Variants in SLC35G1 observed in about 807,000 individuals in gnomAD.
SLC35G1 encodes the protein solute carrier family 35 member G1, also known as partner of STIM1.
Under a neutral mutation model 17.1 loss-of-function variants are expected in SLC35G1, and 10 were observed. The observed-to-expected ratio is 0.59, with a 90% CI of 0.36 to 0.99. SLC35G1 has a LOEUF of 0.99. Ranked by LOEUF, SLC35G1 falls within the 50% of genes least tolerant of loss-of-function variation. The probability of loss-of-function intolerance (pLI) is 0.01; values close to 1 mark genes in which losing one functional copy is unlikely to be tolerated. For missense variants in SLC35G1, 433 were observed against 468.4 expected, an observed-to-expected ratio of 0.92 and a Z score of 0.70; for synonymous variants, 185 against 181.1, an observed-to-expected ratio of 1.02 and a Z score of -0.18.
chr10:93,903,439 G>GTTT lies in SLC35G1; in HGVS notation c.*1949_*1950insTTT, dbSNP rs1394675109. The GTTT allele has an allele frequency of 6.6e-6, 1 of 151,894 alleles. No individual in the cohort carries two copies. Among genetic ancestry groups the GTTT allele is most frequent in the African/African-American group, 2.4e-5 (1 of 41,398 alleles). 9.4% of individuals were successfully genotyped at this position (151,894 alleles called of 1,614,324 possible). ...TTCCTTAGTTCCATGATAAAGTATG[G>GTTT]ACAGTAAACCACTACTTGAGCTACC... On this transcript the variant is annotated 3_prime_UTR_variant, in exon 3 of 3. Coordinates refer to ENST00000427197, the MANE Select transcript of SLC35G1 (RefSeq NM_001134658.3).
At chr10:93,906,563 A>G (rs967540312), downstream of SLC35G1, among the ~76,000 whole-genome samples, 9 of 152,250 alleles carry the variant, frequency 5.9e-5, no homozygotes, top group Non-Finnish European at 1.0e-4. Context: ...AATATAAACG[A>G]TAAAATTGTC....
At chr10:93,896,400 T>C (rs2060330288) in intron 1 of SLC35G1, among the ~76,000 whole-genome samples, 1 of 152,214 alleles carries the variant, frequency 6.6e-6, no homozygotes. Context: ...TTCAGTTTTC[T>C]TCTAAGTGAG....
chr10:93,896,848 G>A (rs549172067), intron 1 of SLC35G1, among the ~76,000 whole-genome samples: 1 of 152,318 alleles, frequency 6.6e-6, no homozygotes, highest in Admixed American at 6.5e-5. Flanking sequence ...TTGAAACAGA[G>A]CAGGGAGATG....
Position 93,901,216 on chromosome 10 carries a change from A to G in SLC35G1, c.824A>G (p.Glu275Gly). 6.2e-7 allele frequency: 1 copy of G among 1,613,930 alleles called. No homozygotes were observed. The highest frequency in any genetic ancestry group is 8.5e-7 in the Non-Finnish European group (1 of 1,179,866). Reference sequence around the variant, plus strand: ...GTCATCATCCTCTCTGTATTAGGAGAGTGGAGTCTGCCTTACTGTGGGTTG... The same window carrying G: ...GTCATCATCCTCTCTGTATTAGGAGGGTGGAGTCTGCCTTACTGTGGGTTG... ...ESVIILSVLG[E>G]WSLPYCGLDR... is the part of the protein sequence containing the mutation. Residue 275 changes from glutamate (E) to glycine (G), a missense_variant, in exon 3 of 3, where the codon GAG becomes GGG. By Grantham distance (98) the Glu-to-Gly change is moderately conservative (BLOSUM62 -2). Coordinates refer to ENST00000427197, the MANE Select transcript of SLC35G1 (RefSeq NM_001134658.3).
At chr10:93,907,002 A>G (rs2060433038), downstream of SLC35G1, 1 of 152,216 alleles carries the variant, frequency 6.6e-6, no homozygotes, top group Non-Finnish European at 1.5e-5. Flanking sequence ...TGCAAAAATA[A>G]AAAGCAATGC....
chr10:93,898,360 G>A (rs2060350497), intron 1 of SLC35G1, among the ~76,000 whole-genome samples: 1 of 152,158 alleles, frequency 6.6e-6, no homozygotes, highest in South Asian at 2.1e-4. Context: ...GGGCGAAACG[G>A]CATTTTAAAA....
intron 1 of SLC35G1, 32 bp downstream of exon 1, chr10:93,894,243 T>G (rs2060307499): frequency 1.5e-6 from 2 of 1,313,678 alleles, no homozygotes; most frequent in Non-Finnish European, 9.7e-7. Context: ...GGCTCTGGTC[T>G]CGCTCGGGGG....
chr10:93,894,216 G>A lies in SLC35G1; in HGVS notation c.178+5G>A. On this transcript the variant is annotated splice_donor_5th_base_variant and intron_variant, in intron 1 of 2. Coordinates refer to ENST00000427197, the MANE Select transcript of SLC35G1 (RefSeq NM_001134658.3). ...GTTGCTCCCGCACCGAGCCGGGTGA[G>A]TGCGCGGTGTGGATCGGGCTCTGGT... is the stretch of plus-strand genomic sequence containing the variant. The A allele has an allele frequency of 7.3e-7, 1 of 1,374,862 alleles. No homozygotes were observed. The highest frequency in any genetic ancestry group is 9.4e-7 in the Non-Finnish European group (1 of 1,066,134). The allele number at this position is 1,374,862 out of a possible 1,614,324, so 85.2% of individuals were successfully genotyped here. A position where few individuals can be genotyped will look rare whatever the true frequency, so the allele number is the denominator to read the frequency against.
At chr10:93,898,855 C>G (rs1207860616) in intron 2 of SLC35G1, 104 bp downstream of exon 2, 1 of 1,134,114 alleles carries the variant, frequency 8.8e-7, no homozygotes, top group Non-Finnish European at 1.2e-6. Context: ...CATATACTTA[C>G]CAGTTCCTAT....
At chr10:93,898,498 T>C (rs979933621) in intron 1 of SLC35G1, 73 bp from the exon 2 acceptor site, 4 of 1,460,348 alleles carry the variant, frequency 2.7e-6, no homozygotes, top group Non-Finnish European at 3.7e-6. Flanking sequence ...GTTCCATTTT[T>C]CTCAGTTTCT....
At chr10:93,900,645 T>G (rs2060373902) in intron 2 of SLC35G1, 107 bp from the exon 3 acceptor site, 2 of 892,816 alleles carry the variant, frequency 2.2e-6, no homozygotes, top group South Asian at 4.6e-5. Context: ...TACTATTCCC[T>G]CATTTTTTGA....
At chr10:93,906,177 T>C (rs1268543299), downstream of SLC35G1, 1 of 152,266 alleles carries the variant, frequency 6.6e-6, no homozygotes, top group Non-Finnish European at 1.5e-5. Context: ...AATATTAGAA[T>C]TGAATTCAAA....
At chr10:93,897,430 T>A in intron 1 of SLC35G1, among the ~76,000 whole-genome samples, 1 of 152,250 alleles carries the variant, frequency 6.6e-6, no homozygotes, top group South Asian at 2.1e-4. Flanking sequence ...CGAGTTTTCC[T>A]ACAAGTTGCT....
chr10:93,894,319 C>T, intron 1 of SLC35G1, 108 bp downstream of exon 1: 1 of 1,080,560 alleles, frequency 9.3e-7, no homozygotes, highest in Non-Finnish European at 1.2e-6. Flanking sequence ...GCGCCTCCGT[C>T]CCCACCCTGC....
chr10:93,900,717 T>C, intron 2 of SLC35G1, 35 bp from the exon 3 acceptor site: 1 of 1,465,294 alleles, frequency 6.8e-7, no homozygotes, highest in Non-Finnish European at 9.1e-7. Context: ...AATATTAATT[T>C]CATTTAATAT....
Position 93,894,064 on chromosome 10 carries a change from G to T in SLC35G1, c.31G>T (p.Glu11Ter). 6.7e-7 allele frequency: 1 copy of T among 1,482,102 alleles called. No individual in the cohort carries two copies. The highest frequency in any genetic ancestry group is 8.9e-7 in the Non-Finnish European group (1 of 1,124,534). 91.8% of individuals were successfully genotyped at this position (1,482,102 alleles called of 1,614,324 possible). A position where few individuals can be genotyped will look rare whatever the true frequency, so the allele number is the denominator to read the frequency against. ...GCCTCAGGACAGCACCGGGGTCGCG[G>T]AGCTCCAGGAGCCCGGGCTGCCGCT... Reference protein sequence around the residue: MRPQDSTGVAELQEPGLPLTD... With the variant: MRPQDSTGVA The change falls in exon 1 of 3, where the codon GAG becomes TAG. Residue 11 changes from glutamate (E) to a stop codon, truncating the protein, a stop_gained. Coordinates refer to ENST00000427197, the MANE Select transcript of SLC35G1 (RefSeq NM_001134658.3). LOFTEE classifies it high-confidence loss of function.
chr10:93,901,640 T>C lies in SLC35G1; in HGVS notation c.*150T>C, dbSNP rs1009077082. On this transcript the variant is annotated 3_prime_UTR_variant, in exon 3 of 3. Transcript: ENST00000427197. ...ACCATTTTTGAATATAGTATGTCTT[T>C]AGTTAAGAATAGCTAGTCTGTTTGG... 1.1e-5 allele frequency: 10 copies of C among 869,770 alleles called. No individual in the cohort carries two copies. Among genetic ancestry groups the C allele is most frequent in the Non-Finnish European group, 1.6e-5 (10 of 622,616 alleles). The allele number at this position is 869,770 out of a possible 1,614,324, so 53.9% of individuals were successfully genotyped here. A position where few individuals can be genotyped will look rare whatever the true frequency, so the allele number is the denominator to read the frequency against.
downstream of SLC35G1, chr10:93,907,076 A>T (rs2060433624): frequency 6.6e-6 from 1 of 152,194 alleles, no homozygotes; most frequent in South Asian, 2.1e-4. Context: ...TTATATTAAC[A>T]TATAATTACA....
intron 1 of SLC35G1, 80 bp downstream of exon 1, chr10:93,894,291 C>T (rs1226560684): frequency 7.9e-7 from 1 of 1,260,196 alleles, no homozygotes. Context: ...TCCCCGCAAC[C>T]CGGGCACAGT....
Sources: gnomAD v4.1 joint callset for allele counts (sites outside exome capture counted in the v4.1 genomes callset) on GRCh38, gnomAD v4.1.1 for gene constraint, MANE v1.5 for transcripts, NCBI Gene and HGNC (gene_info 2026-07-23, HGNC 2026-07-21) for gene names.